AUTS2: variants seen among roughly 807,000 people sequenced by gnomAD.
AUTS2 encodes autism susceptibility gene 2 protein.
Under a neutral mutation model 112.4 loss-of-function variants are expected in AUTS2, and 17 were observed. The ratio of observed to expected loss-of-function variants is 0.15; its 90% CI spans 0.10 to 0.23. AUTS2 has a LOEUF of 0.23. AUTS2 is among the 10% of genes least tolerant of loss of function. The pLI is 1.00. For missense variants in AUTS2, 1,510 were observed against 1,701.6 expected (o/e 0.89, Z 1.98); for synonymous variants, 751 against 702.7 (o/e 1.07, Z -1.09).
intron 1 of AUTS2, among the ~76,000 whole-genome samples, chr7:69,846,325 G>C (rs892271087): frequency 2.0e-5 from 3 of 152,164 alleles, no homozygotes. Flanking sequence ...CTTTTGTTGG[G>C]TTTGCAGTCA....
chr7:70,190,140 C>T (rs1377653316), intron 4 of AUTS2, among the ~76,000 whole-genome samples: 1 of 152,148 alleles, frequency 6.6e-6, no homozygotes, highest in East Asian at 1.9e-4. Context: ...GCCCTTCTAG[C>T]TTGGCATCCT....
chr7:70,553,369 C>T (rs1554428204), intron 5 of AUTS2, among the ~76,000 whole-genome samples: 1 of 152,182 alleles, frequency 6.6e-6, no homozygotes, highest in Non-Finnish European at 1.5e-5. Context: ...TACCAGGACA[C>T]CACTGCAAGG....
chr7:70,125,563 G>T (rs1805926923), intron 3 of AUTS2, among the ~76,000 whole-genome samples: 1 of 152,120 alleles, frequency 6.6e-6, no homozygotes, highest in Non-Finnish European at 1.5e-5. Flanking sequence ...GGAACCTTCT[G>T]CAGCTTTCAT....
intron 1 of AUTS2, among the ~76,000 whole-genome samples, chr7:69,667,362 T>G (rs1467264373): frequency 6.6e-6 from 1 of 150,790 alleles, no homozygotes; most frequent in Non-Finnish European, 1.5e-5. Context: ...TTTTTTTTTT[T>G]TTTTTTTTTG....
chr7:70,632,887 C>T (rs1169234520), intron 5 of AUTS2, among the ~76,000 whole-genome samples: 3 of 152,240 alleles, frequency 2.0e-5, no homozygotes, highest in Non-Finnish European at 2.9e-5. Flanking sequence ...AGGCAGTTCA[C>T]AGGCTGGACC....
At chr7:70,712,072 T>TGGAGTG (rs1810085152) in intron 6 of AUTS2, among the ~76,000 whole-genome samples, 1 of 151,904 alleles carries the variant, frequency 6.6e-6, no homozygotes, top group Non-Finnish European at 1.5e-5. Context: ...TCGCCCAGGC[T>TGGAGTG]GGAGTGCAGT....
chr7:70,787,436 G>GGAAA lies in AUTS2; in HGVS notation c.2531+10_2531+13dup. 2 of 1,601,652 alleles carry GGAAA rather than the reference G, an allele frequency of 1.2e-6. No individual in the cohort carries two copies. Among genetic ancestry groups the GGAAA allele is most frequent in the Non-Finnish European group, 1.7e-6 (2 of 1,170,800 alleles). On this transcript the variant is annotated splice_donor_region_variant and intron_variant, in intron 18 of 18. Coordinates refer to ENST00000342771, the MANE Select transcript of AUTS2 (RefSeq NM_015570.4). Reference sequence around the variant, plus strand: ...TAGTAAAGATGACAAAGAAAGGTACGGAAAGAAACCGCTCTCGAGTCCCCA... The same window carrying GGAAA: ...TAGTAAAGATGACAAAGAAAGGTACGGAAAGAAAGAAACCGCTCTCGAGTCCCCA...
At chr7:70,774,139 G>T in intron 12 of AUTS2, 40 bp downstream of exon 12, 1 of 1,598,228 alleles carries the variant, frequency 6.3e-7, no homozygotes. Flanking sequence ...TAACACCAGG[G>T]TGTGTGTGTT....
At chr7:70,190,395 G>A (rs1032039956) in intron 4 of AUTS2, among the ~76,000 whole-genome samples, 5 of 152,196 alleles carry the variant, frequency 3.3e-5, no homozygotes, top group South Asian at 2.1e-4. Context: ...TTTCCTGCCA[G>A]TTGGCTCATC....
intron 14 of AUTS2, chr7:70,781,359 C>G (rs900036466): frequency 3.4e-6 from 1 of 295,958 alleles, no homozygotes; most frequent in Non-Finnish European, 5.8e-6. Context: ...AGGGAGACTC[C>G]GTCACAAAAA....
chr7:70,684,972 G>T (rs1313625248), intron 5 of AUTS2, among the ~76,000 whole-genome samples: 1 of 152,080 alleles, frequency 6.6e-6, no homozygotes, highest in East Asian at 1.9e-4. Flanking sequence ...CCAGTAAATG[G>T]CACCGTCACA....
chr7:70,322,931 T>A (rs1467496653), intron 4 of AUTS2, among the ~76,000 whole-genome samples: 1 of 152,208 alleles, frequency 6.6e-6, no homozygotes, highest in Non-Finnish European at 1.5e-5. Flanking sequence ...CTCAGCACTT[T>A]ACATGTGTTG....
intron 2 of AUTS2, among the ~76,000 whole-genome samples, chr7:70,086,942 T>A (rs1251609587): frequency 6.6e-6 from 1 of 150,708 alleles, no homozygotes; most frequent in Non-Finnish European, 1.5e-5. Flanking sequence ...TTTTTTTTTT[T>A]AATCTGGATG....
intron 1 of AUTS2, among the ~76,000 whole-genome samples, chr7:69,846,529 A>C (rs1163361058): frequency 6.6e-6 from 1 of 152,206 alleles, no homozygotes; most frequent in Non-Finnish European, 1.5e-5. Context: ...CGGGTGTTAC[A>C]CTAAGTGCTT....
At chr7:70,442,097 C>CT (rs1562959215) in intron 5 of AUTS2, among the ~76,000 whole-genome samples, 1 of 152,180 alleles carries the variant, frequency 6.6e-6, no homozygotes. Flanking sequence ...ATATCTCCAC[C>CT]TTTCCAGATT....
chr7:70,657,773 G>A (rs976476773), intron 5 of AUTS2, among the ~76,000 whole-genome samples: 1 of 152,088 alleles, frequency 6.6e-6, no homozygotes, highest in South Asian at 2.1e-4. Context: ...AAGCTTAGTT[G>A]GTATTCAAGT....
At chr7:70,091,874 C>G (rs567558353) in intron 2 of AUTS2, among the ~76,000 whole-genome samples, 1 of 152,258 alleles carries the variant, frequency 6.6e-6, no homozygotes, top group Admixed American at 6.5e-5. Flanking sequence ...TAGGTGTTCA[C>G]TTTGTTCCAA....
chr7:70,493,326 G>A (rs149154464), intron 5 of AUTS2, among the ~76,000 whole-genome samples: 2 of 152,360 alleles, frequency 1.3e-5, no homozygotes, highest in Non-Finnish European at 2.9e-5. Context: ...GCAGTAGCAT[G>A]TGAGTACATT....
chr7:70,503,441 C>A (rs975301588), intron 5 of AUTS2, among the ~76,000 whole-genome samples: 2 of 151,700 alleles, frequency 1.3e-5, no homozygotes, highest in African/African-American at 4.8e-5. Flanking sequence ...TGGTTTGTAC[C>A]TGTAATCCCA....
Sources: gnomAD v4.1 joint callset for allele counts (sites outside exome capture counted in the v4.1 genomes callset) on GRCh38, gnomAD v4.1.1 for gene constraint, MANE v1.5 for transcripts, NCBI Gene and HGNC (gene_info 2026-07-23, HGNC 2026-07-21) for gene names.